LYRM4: variants seen among roughly 807,000 people sequenced by gnomAD.
The protein encoded by LYRM4 is LYR motif-containing protein 4.
A neutral mutation model predicts 11.7 loss-of-function variants in LYRM4; 9 were observed. That is an observed-to-expected ratio of 0.77 (90% CI 0.46 to 1.34). The LOEUF is 1.34. Among genes scored for constraint, LYRM4 ranks in the 40% most tolerant of loss-of-function variants. The probability of loss-of-function intolerance (pLI) is 0.00; values close to 1 mark genes in which losing one functional copy is unlikely to be tolerated. For missense variants in LYRM4, 133 were observed against 112.5 expected, an observed-to-expected ratio of 1.18 and a Z score of -0.82; for synonymous variants, 42 against 40.4, an observed-to-expected ratio of 1.04 and a Z score of -0.15.
At chr6:5,043,063 G>A in the LYRM4 span, 1 of 152,096 alleles carries the variant, frequency 6.6e-6, no homozygotes, top group African/African-American at 2.4e-5. Flanking sequence ...CTTTCCACCA[G>A]GACCTCCTGC....
chr6:5,117,502 C>A (rs1328107031), intron 2 of LYRM4, among the ~76,000 whole-genome samples: 1 of 151,652 alleles, frequency 6.6e-6, no homozygotes, highest in Non-Finnish European at 1.5e-5. Flanking sequence ...TTGCAGTGAG[C>A]CGAGATCGCA....
At chr6:5,053,277 T>A in the LYRM4 span, among the ~76,000 whole-genome samples, 1 of 152,144 alleles carries the variant, frequency 6.6e-6, no homozygotes, top group Non-Finnish European at 1.5e-5. Flanking sequence ...GTGAGACAGA[T>A]AAACCCTTTC....
chr6:5,180,552 C>A (rs1760009487), intron 2 of LYRM4, among the ~76,000 whole-genome samples: 1 of 152,176 alleles, frequency 6.6e-6, no homozygotes, highest in Non-Finnish European at 1.5e-5. Flanking sequence ...GAGCCCTAGA[C>A]TTTGACTCAG....
Position 5,260,673 on chromosome 6 carries a change from T to G in LYRM4, c.61A>C (p.Lys21Gln), listed in dbSNP as rs1002996135. 1.3e-6 allele frequency: 2 copies of G among 1,534,536 alleles called. No individual in the cohort carries two copies. The highest frequency in any genetic ancestry group is 1.8e-6 in the Non-Finnish European group (2 of 1,139,722). The change falls in exon 1 of 3, where the codon AAG becomes CAG. Residue 21 changes from lysine (K) to glutamine (Q), a missense_variant. Lys to Gln is a moderately conservative substitution (Grantham distance 53, BLOSUM62 1). Transcript: ENST00000330636. ...CTGTAATTGTAGGCGCTGAAACGCT[T>G]GCTCTCTCTCAGCATCGCCCGGTAC... ...SLYRAMLRES[K>Q]RFSAYNYRTY... is the part of the protein sequence containing the mutation.
chr6:5,194,428 G>A (rs1269724377), intron 2 of LYRM4, among the ~76,000 whole-genome samples: 1 of 152,080 alleles, frequency 6.6e-6, no homozygotes, highest in African/African-American at 2.4e-5. Context: ...CAGCTTTACT[G>A]TTCCTAAGTC....
intron 2 of LYRM4, among the ~76,000 whole-genome samples, chr6:5,208,864 A>G (rs1761843419): frequency 6.6e-6 from 1 of 152,210 alleles, no homozygotes; most frequent in Admixed American, 6.5e-5. Flanking sequence ...AAGCTATAAA[A>G]CTAAACAAAC....
At chr6:5,247,869 TTA>T (rs1455433556) in intron 1 of LYRM4, among the ~76,000 whole-genome samples, 13 of 152,344 alleles carry the variant, frequency 8.5e-5, no homozygotes, top group Admixed American at 1.3e-4. Flanking sequence ...TAGTTTACAG[TTA>T]TAGTTATTTA....
chr6:5,163,444 T>TA (rs1758885352), intron 2 of LYRM4, among the ~76,000 whole-genome samples: 1 of 152,064 alleles, frequency 6.6e-6, no homozygotes, highest in African/African-American at 2.4e-5. Flanking sequence ...CCACACTCCC[T>TA]TCATTACCAG....
At chr6:5,132,197 C>T (rs1763986775) in intron 2 of LYRM4, among the ~76,000 whole-genome samples, 1 of 152,216 alleles carries the variant, frequency 6.6e-6, no homozygotes, top group Admixed American at 6.5e-5. Context: ...AGGAAAGTGA[C>T]ATTTACTGGG....
At chr6:5,125,578 A>G (rs946961876) in intron 2 of LYRM4, among the ~76,000 whole-genome samples, 14 of 152,200 alleles carry the variant, frequency 9.2e-5, no homozygotes, top group Non-Finnish European at 1.2e-4. Flanking sequence ...AGGAACAAGA[A>G]TCCCAGAGTG....
the LYRM4 span, among the ~76,000 whole-genome samples, chr6:5,039,867 A>T: frequency 6.6e-6 from 1 of 152,240 alleles, no homozygotes; most frequent in Non-Finnish European, 1.5e-5. Context: ...ATATAAAGCT[A>T]CAAGAATTAA....
intron 2 of LYRM4, among the ~76,000 whole-genome samples, chr6:5,194,362 A>G (rs1230030385): frequency 4.6e-5 from 7 of 152,182 alleles, no homozygotes; most frequent in Admixed American, 4.6e-4. Context: ...CCCTCCCAGC[A>G]TCCCCTGTGA....
In LYRM4 at chr6:5,142,275, A is replaced by C. The variant is rs138342024; in HGVS notation, c.208-32784T>G. ...CTCTTGCCTTTGGAACCCAGCCGCC[A>C]TGTTGTGAGGAAGCCCAGGTTACAG... is the stretch of plus-strand genomic sequence containing the variant. On this transcript the variant is annotated intron_variant, in intron 2 of 2. Transcript: ENST00000330636. Among the ~76,000 whole-genome samples, 616 of 152,212 alleles carry C rather than the reference A, an allele frequency of 4.0e-3. 6 individuals carry two copies. The highest frequency in any genetic ancestry group is 0.014 in the African/African-American group (591 of 41,514).
rs150290820 is a variant in LYRM4, at chr6:5,152,962, T to C, written c.208-43471A>G. Among the ~76,000 whole-genome samples, 427 of 152,334 alleles carry C rather than the reference T, an allele frequency of 2.8e-3. 2 individuals carry two copies. The highest frequency in any genetic ancestry group is 4.9e-3 in the Non-Finnish European group (336 of 68,024). On this transcript the variant is annotated intron_variant, in intron 2 of 2. Coordinates refer to ENST00000330636, the MANE Select transcript of LYRM4 (RefSeq NM_020408.6). ...GTGACAACTAGTACTATATCCTTAG[T>C]AGCATACTTAAGGCCGCTGGGCTTG...
the LYRM4 span, among the ~76,000 whole-genome samples, chr6:5,069,733 C>G: frequency 6.6e-6 from 1 of 152,140 alleles, no homozygotes; most frequent in Non-Finnish European, 1.5e-5. Flanking sequence ...CCTGCCTCAG[C>G]CTCCCAAAGT....
the LYRM4 span, among the ~76,000 whole-genome samples, chr6:5,036,566 ACTGCTTTCTCTGC>A: frequency 3.3e-5 from 5 of 152,186 alleles, no homozygotes; most frequent in Non-Finnish European, 5.9e-5. Flanking sequence ...TACTTCTACC[ACTGCTTTCTCTGC>A]CTGCCGTCTC....
intron 2 of LYRM4, among the ~76,000 whole-genome samples, chr6:5,152,740 G>A (rs1477493379): frequency 6.6e-6 from 1 of 152,222 alleles, no homozygotes; most frequent in Admixed American, 6.5e-5. Flanking sequence ...ATGGGACTGC[G>A]TGTTTCTGGG....
At chr6:5,099,423 A>ATCTATCTATCTATCTG (rs1179207888), downstream of LYRM4, among the ~76,000 whole-genome samples, 1 of 150,946 alleles carries the variant, frequency 6.6e-6, no homozygotes, top group African/African-American at 2.4e-5. This position sits in a 1 kb window ranked among gnomAD's most constrained non-coding sequence, Gnocchi z 4.3. Context: ...CTATCTATCT[A>ATCTATCTATCTATCTG]TCTATATTTT....
chr6:5,259,364 T>C (rs1334516928), intron 1 of LYRM4, among the ~76,000 whole-genome samples: 1 of 152,198 alleles, frequency 6.6e-6, no homozygotes, highest in East Asian at 1.9e-4. Context: ...GTATGCTTAT[T>C]ATTACACTCT....
Sources: allele counts gnomAD v4.1 joint callset (sites outside exome capture counted in the v4.1 genomes callset), GRCh38; gene constraint gnomAD v4.1.1; non-coding constraint Gnocchi (gnomAD v3.1); transcripts MANE v1.5; gene names NCBI Gene and HGNC (gene_info 2026-07-23, HGNC 2026-07-21).